COMMD7: variants seen among roughly 807,000 people sequenced by gnomAD.
COMMD7 encodes the protein COMM domain-containing protein 7.
A neutral mutation model predicts 34.8 loss-of-function variants in COMMD7; 28 were observed. The observed-to-expected ratio is 0.80, with a 90% CI of 0.60 to 1.10. The LOEUF (loss-of-function observed/expected upper bound fraction) is 1.10, where lower values mean the gene tolerates loss of function less well. Among genes scored for constraint, COMMD7 ranks in the 50% least tolerant of loss-of-function variants. COMMD7 has a pLI of 0.00. For synonymous variants in COMMD7, 80 were observed against 86.4 expected, an observed-to-expected ratio of 0.93 and a Z score of 0.41; for missense variants, 211 against 241.6, an observed-to-expected ratio of 0.87 and a Z score of 0.84.
chr20:32,717,967 T>A (rs1272396398), intron 3 of COMMD7, among the ~76,000 whole-genome samples: 1 of 150,960 alleles, frequency 6.6e-6, no homozygotes, highest in East Asian at 2.0e-4. Flanking sequence ...TGTGTGCCTG[T>A]AATCCCAGCT....
intron 8 of COMMD7, 160 bp downstream of exon 8, chr20:32,703,863 C>A: frequency 1.3e-6 from 2 of 1,548,668 alleles, no homozygotes; most frequent in Non-Finnish European, 8.7e-7. Flanking sequence ...TCTAACACTC[C>A]TTGTGCCATC....
rs75775029 is a variant in COMMD7, at chr20:32,704,240, C to T, written c.478-169G>A. On this transcript the variant is annotated intron_variant, in intron 7 of 8. Transcript: ENST00000278980. ...ATTCCCATGATTACAGGAACAATCA[C>T]GCATCAATGAATAACACTAGGATCT... 2.2e-3 allele frequency among the ~76,000 whole-genome samples: 329 copies of T among 152,168 alleles called. 3 individuals carry two copies. The highest frequency in any genetic ancestry group is 0.014 in the East Asian group (74 of 5,174).
intron 5 of COMMD7, 112 bp from the exon 6 acceptor site, chr20:32,705,016 G>A (rs991746275): frequency 1.1e-5 from 8 of 759,986 alleles, no homozygotes; most frequent in Non-Finnish European, 1.6e-5. Context: ...GGAGGGTGCA[G>A]AAGATAGTGG....
intron 1 of COMMD7, among the ~76,000 whole-genome samples, chr20:32,739,470 C>T (rs951585995): frequency 1.3e-5 from 2 of 151,352 alleles, no homozygotes; most frequent in African/African-American, 4.9e-5. Flanking sequence ...GCGGTGAAAC[C>T]CCATCTCTAC....
At chr20:32,708,402 C>A (rs940266806) in intron 3 of COMMD7, among the ~76,000 whole-genome samples, 8 of 152,034 alleles carry the variant, frequency 5.3e-5, no homozygotes, top group African/African-American at 1.9e-4. Flanking sequence ...GGCTGTTGTA[C>A]CGGTAAAATC....
chr20:32,730,381 C>G (rs940384690), intron 1 of COMMD7, among the ~76,000 whole-genome samples: 1 of 151,760 alleles, frequency 6.6e-6, no homozygotes, highest in Admixed American at 6.6e-5. Context: ...ATGGTGAAAC[C>G]CCGTCTCTAC....
intron 3 of COMMD7, among the ~76,000 whole-genome samples, chr20:32,725,296 A>G (rs1176607761): frequency 6.6e-6 from 1 of 152,172 alleles, no homozygotes; most frequent in Non-Finnish European, 1.5e-5. Context: ...CTACATGAAT[A>G]TGTTCATTAG....
At chr20:32,728,377 G>C (rs928015019) in intron 1 of COMMD7, among the ~76,000 whole-genome samples, 1 of 151,984 alleles carries the variant, frequency 6.6e-6, no homozygotes, top group South Asian at 2.1e-4. Context: ...GACATGTATT[G>C]AGAGACTGTA....
At position 32,703,434 on chromosome 20, in the gene COMMD7, C is replaced by T. The variant is rs1600958180; in HGVS notation, c.551G>A (p.Ser184Asn). The part of the protein sequence containing the change: ...YIELTLPQFY[S>N]FLHEMERVRT... ...GACTCGCTCCATCTCGTGCAGGAAGCTGTAGAACTGAGGCAAGGTTAATTC... is the reference window on the plus strand; with the variant it reads ...GACTCGCTCCATCTCGTGCAGGAAGTTGTAGAACTGAGGCAAGGTTAATTC... The change falls in exon 9 of 9, where the codon AGC becomes AAC. Residue 184 changes from serine to asparagine, a missense_variant. Ser to Asn is a conservative substitution (Grantham distance 46). Transcript: ENST00000278980. 3 of 1,613,964 alleles carry T rather than the reference C, an allele frequency of 1.9e-6. No individual in the cohort carries two copies. The highest frequency in any genetic ancestry group is 2.5e-6 in the Non-Finnish European group (3 of 1,179,950).
At chr20:32,707,298 T>A (rs1984156171) in intron 3 of COMMD7, among the ~76,000 whole-genome samples, 1 of 125,910 alleles carries the variant, frequency 7.9e-6, no homozygotes, top group African/African-American at 2.9e-5. Context: ...AAAAAAAATA[T>A]ATATATATAT....
chr20:32,722,645 A>G (rs944486587), intron 3 of COMMD7, among the ~76,000 whole-genome samples: 12 of 149,696 alleles, frequency 8.0e-5, no homozygotes, highest in African/African-American at 3.0e-4. Context: ...AATCACTTGA[A>G]CCCGGGAGGT....
intron 3 of COMMD7, among the ~76,000 whole-genome samples, chr20:32,713,198 G>A (rs1984576649): frequency 6.6e-6 from 1 of 151,802 alleles, no homozygotes; most frequent in African/African-American, 2.4e-5. Flanking sequence ...ACAGGCATGT[G>A]CCACCATGCC....
At chr20:32,712,727 C>CT (rs377281207) in intron 3 of COMMD7, among the ~76,000 whole-genome samples, 86,472 of 130,134 alleles carry the variant, frequency 0.66, 29,391 homozygotes, top group Middle Eastern at 0.79. Context: ...GAGATGGTCC[C>CT]TTTTTTTTTT....
At chr20:32,718,507 T>A (rs113303491) in intron 3 of COMMD7, among the ~76,000 whole-genome samples, 6 of 151,976 alleles carry the variant, frequency 3.9e-5, no homozygotes, top group Non-Finnish European at 7.4e-5. Flanking sequence ...GAGACCAGCC[T>A]GGGCAACACA....
intron 3 of COMMD7, among the ~76,000 whole-genome samples, chr20:32,724,278 G>GC (rs1380675828): frequency 1.2e-4 from 3 of 26,062 alleles, no homozygotes; most frequent in East Asian, 1.5e-3. Flanking sequence ...TGGGGGGTCA[G>GC]CCCCCCGACC....
At chr20:32,732,828 C>A (rs1001455044) in intron 1 of COMMD7, among the ~76,000 whole-genome samples, 1 of 149,524 alleles carries the variant, frequency 6.7e-6, no homozygotes, top group African/African-American at 2.5e-5. Flanking sequence ...CCCAGCTACT[C>A]GGGAGGCTGA....
intron 3 of COMMD7, among the ~76,000 whole-genome samples, chr20:32,720,365 C>T (rs1187142301): frequency 1.3e-5 from 2 of 152,048 alleles, no homozygotes; most frequent in African/African-American, 4.8e-5. Flanking sequence ...CATGGTGGCA[C>T]ATGCCTGTAA....
intron 7 of COMMD7, 46 bp downstream of exon 7, chr20:32,704,394 C>A: frequency 6.4e-7 from 1 of 1,550,956 alleles, no homozygotes; most frequent in East Asian, 2.2e-5. Context: ...TAATTTTTAA[C>A]CAAGTCAAAA....
Position 32,743,459 on chromosome 20 carries a change from G to GCTGCCA in COMMD7, c.-74_-69dup. On this transcript the variant is annotated 5_prime_UTR_variant, in exon 1 of 9. Transcript: ENST00000278980. ...CTGCTCAGCTTCCTCCTCCGCTGCC[G>GCTGCCA]CTGCCACCGCTGCCGGCCTCTCCGC... is the stretch of plus-strand genomic sequence containing the variant. 1 of 1,107,864 alleles carries GCTGCCA rather than the reference G, an allele frequency of 9.0e-7. No individual in the cohort carries two copies. The highest frequency in any genetic ancestry group is 1.2e-6 in the Non-Finnish European group (1 of 858,608). The allele number at this position is 1,107,864 out of a possible 1,614,324, so 68.6% of individuals were successfully genotyped here.
Sources: allele counts gnomAD v4.1 joint callset (sites outside exome capture counted in the v4.1 genomes callset), GRCh38; gene constraint gnomAD v4.1.1; transcripts MANE v1.5; gene names NCBI Gene and HGNC (gene_info 2026-07-23, HGNC 2026-07-21).